Variants in MED13L observed in about 807,000 individuals in gnomAD.
MED13L encodes mediator complex subunit 13L, also known as mediator of RNA polymerase II transcription subunit 13-like.
In MED13L, 7 loss-of-function variants were observed where a neutral mutation model predicts 220.9. That is an observed-to-expected ratio of 0.03 (90% CI 0.02 to 0.06). The LOEUF is 0.06. Among genes scored for constraint, MED13L ranks in the 10% least tolerant of loss-of-function variants. The pLI, the probability that MED13L is intolerant of heterozygous loss-of-function variation, is 1.00. For missense variants in MED13L, 1,965 were observed against 2,760.5 expected, an observed-to-expected ratio of 0.71 and a Z score of 6.46; for synonymous variants, 1,011 against 1,015.2, an observed-to-expected ratio of 1.00 and a Z score of 0.08.
intron 2 of MED13L, among the ~76,000 whole-genome samples, chr12:116,172,770 A>G (rs2138188944): frequency 6.6e-6 from 1 of 152,274 alleles, no homozygotes; most frequent in Admixed American, 6.5e-5. Flanking sequence ...ACGGTGAAGA[A>G]TAATCGAGAT....
At chr12:116,111,634 T>A (rs1874100924) in intron 2 of MED13L, 122 bp from the exon 3 acceptor site, 2 of 728,720 alleles carry the variant, frequency 2.7e-6, no homozygotes, top group Non-Finnish European at 2.3e-6. Context: ...ACTTAAATAA[T>A]CTCACGCTGA....
chr12:116,134,816 G>GT (rs1308711387), intron 2 of MED13L, among the ~76,000 whole-genome samples: 1 of 152,118 alleles, frequency 6.6e-6, no homozygotes, highest in Non-Finnish European at 1.5e-5. Context: ...GGTAAGGCCT[G>GT]TATTTCTTTC....
intron 4 of MED13L, among the ~76,000 whole-genome samples, chr12:116,041,509 T>G (rs1423409233): frequency 6.6e-6 from 1 of 152,232 alleles, no homozygotes; most frequent in Non-Finnish European, 1.5e-5. Flanking sequence ...ATGTTCTGTT[T>G]AATTCTGAAT....
At chr12:116,108,926 T>C (rs1873834835) in intron 3 of MED13L, among the ~76,000 whole-genome samples, 1 of 152,154 alleles carries the variant, frequency 6.6e-6, no homozygotes, top group African/African-American at 2.4e-5. Context: ...GTACATGGTG[T>C]CCTGTACTTA....
chr12:116,121,124 G>C (rs948637962), intron 2 of MED13L, among the ~76,000 whole-genome samples: 3 of 152,124 alleles, frequency 2.0e-5, no homozygotes, highest in Admixed American at 2.0e-4. Flanking sequence ...TTACGTTGCT[G>C]TTATTCAACC....
At chr12:116,204,167 A>G (rs1593162233) in intron 2 of MED13L, among the ~76,000 whole-genome samples, 1 of 152,300 alleles carries the variant, frequency 6.6e-6, no homozygotes, top group East Asian at 1.9e-4. Context: ...ACTTTGAGAG[A>G]GAACAAAATT....
At chr12:116,268,501 C>A (rs1873002556) in intron 1 of MED13L, among the ~76,000 whole-genome samples, 2 of 151,920 alleles carry the variant, frequency 1.3e-5, no homozygotes. Flanking sequence ...GTATTATACT[C>A]AAAAATACTT....
chr12:116,202,959 A>C (rs930583253), intron 2 of MED13L, among the ~76,000 whole-genome samples: 7 of 152,248 alleles, frequency 4.6e-5, no homozygotes, highest in Non-Finnish European at 8.8e-5. Context: ...TTCTTACCAG[A>C]ACTCAATACC....
intron 2 of MED13L, among the ~76,000 whole-genome samples, chr12:116,149,241 G>C (rs1183033722): frequency 6.6e-6 from 1 of 151,960 alleles, no homozygotes; most frequent in Non-Finnish European, 1.5e-5. Flanking sequence ...TTATATTCTA[G>C]AACTTCTCAT....
rs747479780 is a variant in MED13L at position 115,997,212 on chromosome 12, C to T, written c.2588G>A (p.Arg863Lys). Residue 863 changes from arginine (R) to lysine (K), a missense_variant, in exon 15 of 31, where the codon AGG becomes AAG. Physicochemically the swap from Arg to Lys is conservative, Grantham distance 26. Coordinates refer to ENST00000281928, the MANE Select transcript of MED13L (RefSeq NM_015335.5). ...PYPPTVADLQ[R>K]MFPTPPSLEQ... Reference sequence around the variant, plus strand: ...CAAAGATGGTGGAGTGGGAAACATCCTTTGCAAGTCTGCAACTGCTAAAAA... The same window carrying T: ...CAAAGATGGTGGAGTGGGAAACATCTTTTGCAAGTCTGCAACTGCTAAAAA... 1 of 1,613,864 alleles carries T rather than the reference C, an allele frequency of 6.2e-7. No homozygotes were observed. Among genetic ancestry groups the T allele is most frequent in the Non-Finnish European group, 8.5e-7 (1 of 1,179,980 alleles).
chr12:116,036,398 G>A (rs1242219418), intron 4 of MED13L, among the ~76,000 whole-genome samples: 1 of 152,154 alleles, frequency 6.6e-6, no homozygotes, highest in African/African-American at 2.4e-5. Flanking sequence ...GAAAGGACTT[G>A]TATAAATGCA....
intron 1 of MED13L, among the ~76,000 whole-genome samples, chr12:116,248,932 A>G (rs1455513109): frequency 6.6e-6 from 1 of 152,206 alleles, no homozygotes; most frequent in Non-Finnish European, 1.5e-5. Context: ...ACAGAGCTAG[A>G]CTCCCTGAGA....
In MED13L at chr12:116,003,004, T is replaced by C; in HGVS notation, c.2568A>G (p.Pro856=). The change falls in exon 14 of 31, where the codon CCA becomes CCG. Residue 856 remains proline, a splice_region_variant and synonymous_variant. Coordinates refer to ENST00000281928, the MANE Select transcript of MED13L (RefSeq NM_015335.5). ...KDGRAAVPYP[P]TVADLQRMFP... is the part of the protein sequence containing the mutation. ...GCTCAGTCAAGTTTCTCTACCTACT[T>C]GGTGGATAAGGAACAGCAGCTCTTC... The C allele has an allele frequency of 6.2e-7, 1 of 1,612,800 alleles. No homozygotes were observed. Among genetic ancestry groups the C allele is most frequent in the South Asian group, 1.1e-5 (1 of 91,058 alleles).
intron 2 of MED13L, among the ~76,000 whole-genome samples, chr12:116,149,264 A>G (rs933423285): frequency 6.6e-6 from 1 of 152,172 alleles, no homozygotes; most frequent in Non-Finnish European, 1.5e-5. Flanking sequence ...TTTGTCATGT[A>G]TTATAGTTAG....
At chr12:116,051,276 C>A (rs1425243702) in intron 4 of MED13L, among the ~76,000 whole-genome samples, 3 of 151,860 alleles carry the variant, frequency 2.0e-5, no homozygotes, top group Non-Finnish European at 4.4e-5. Flanking sequence ...GCACTCCAGC[C>A]TGGATGACAG....
At chr12:116,242,015 T>A (rs1186764213) in intron 1 of MED13L, among the ~76,000 whole-genome samples, 1 of 151,778 alleles carries the variant, frequency 6.6e-6, no homozygotes, top group Non-Finnish European at 1.5e-5. Flanking sequence ...ATATTTATAG[T>A]TTAAAAATTA....
At chr12:115,981,774 G>A (rs963243504) in intron 22 of MED13L, 1 of 152,538 alleles carries the variant, frequency 6.6e-6, no homozygotes, top group Non-Finnish European at 1.5e-5. Context: ...ATATGAAAAT[G>A]TGTTAATGAA....
chr12:115,959,246 C>T lies in MED13L; in HGVS notation c.*2020G>A, dbSNP rs1326824922. On this transcript the variant is annotated 3_prime_UTR_variant, in exon 31 of 31. Transcript: ENST00000281928. ...TAACTTAAAAAACTTAAATAAAAGACACCAGATGAAAACTACCCTTTGCTG... is the reference window on the plus strand; with the variant it reads ...TAACTTAAAAAACTTAAATAAAAGATACCAGATGAAAACTACCCTTTGCTG... 1 of 152,392 alleles carries T rather than the reference C, an allele frequency of 6.6e-6. No homozygotes were observed. Among genetic ancestry groups the T allele is most frequent in the Non-Finnish European group, 1.5e-5 (1 of 68,004 alleles). 9.4% of individuals were successfully genotyped at this position (152,392 alleles called of 1,614,324 possible). A position where few individuals can be genotyped will look rare whatever the true frequency, so the allele number is the denominator to read the frequency against.
chr12:116,198,171 TA>T (rs905645035), intron 2 of MED13L, among the ~76,000 whole-genome samples: 4 of 151,606 alleles, frequency 2.6e-5, no homozygotes, highest in African/African-American at 4.8e-5. Context: ...AACTACAATG[TA>T]AAAAAAAATT....
Sources: allele counts gnomAD v4.1 joint callset (sites outside exome capture counted in the v4.1 genomes callset), GRCh38; gene constraint gnomAD v4.1.1; transcripts MANE v1.5; gene names NCBI Gene and HGNC (gene_info 2026-07-23, HGNC 2026-07-21).